Variants in DOK6 observed in about 807,000 individuals in gnomAD.
DOK6 encodes downstream of tyrosine kinase 6.
Under a neutral mutation model 44.0 loss-of-function variants are expected in DOK6, and 22 were observed. The ratio of observed to expected loss-of-function variants is 0.50; its 90% CI spans 0.36 to 0.71. DOK6 has a LOEUF of 0.71. Among genes scored for constraint, DOK6 ranks in the 30% least tolerant of loss-of-function variants. The pLI, the probability that DOK6 is intolerant of heterozygous loss-of-function variation, is 0.00. For synonymous variants in DOK6, 166 were observed against 145.5 expected, an observed-to-expected ratio of 1.14 and a Z score of -1.01; for missense variants, 340 against 416.4, an observed-to-expected ratio of 0.82 and a Z score of 1.60.
At position 69,487,596 on chromosome 18, in the gene DOK6, T is replaced by C. The variant is rs1980620349; in HGVS notation, c.67-76891T>C. 4.6e-5 allele frequency among the ~76,000 whole-genome samples: 7 copies of C among 152,308 alleles called. 1 individual carries two copies. In the South Asian group the frequency reaches 1.4e-3, roughly 32 times the overall value. On this transcript the variant is annotated intron_variant, in intron 1 of 7. Coordinates refer to ENST00000382713, the MANE Select transcript of DOK6 (RefSeq NM_152721.6). ...TGCTGACTTTAGATGTTTACCCCTT[T>C]GCTGAGGAATGTTCCATCGATGTTT...
chr18:69,508,762 A>G (rs574438331), intron 1 of DOK6, among the ~76,000 whole-genome samples: 1 of 152,296 alleles, frequency 6.6e-6, no homozygotes, highest in South Asian at 2.1e-4. Flanking sequence ...AGGTCATGCC[A>G]TGATGCTTAT....
intron 7 of DOK6, among the ~76,000 whole-genome samples, chr18:69,801,692 C>T (rs764672678): frequency 3.3e-5 from 5 of 152,168 alleles, no homozygotes; most frequent in Non-Finnish European, 5.9e-5. Flanking sequence ...CCTCTTCACA[C>T]GGTCCCTCTG....
At chr18:69,538,192 A>G (rs1194600261) in intron 1 of DOK6, among the ~76,000 whole-genome samples, 3 of 152,234 alleles carry the variant, frequency 2.0e-5, no homozygotes, top group Admixed American at 2.0e-4. Context: ...GAGAACTTAC[A>G]TGAAAGGTAA....
intron 7 of DOK6, among the ~76,000 whole-genome samples, chr18:69,790,525 A>G (rs1196188435): frequency 6.6e-6 from 1 of 152,216 alleles, no homozygotes; most frequent in Non-Finnish European, 1.5e-5. Flanking sequence ...TGCGCTAAGT[A>G]AGAATTTTTA....
chr18:69,499,727 C>T (rs138448692), intron 1 of DOK6, among the ~76,000 whole-genome samples: 91 of 152,248 alleles, frequency 6.0e-4, no homozygotes, highest in African/African-American at 1.9e-3. Flanking sequence ...GCCTAACAGG[C>T]GCTCAGACTT....
chr18:69,758,240 C>T (rs1443940822), intron 7 of DOK6, among the ~76,000 whole-genome samples: 1 of 152,044 alleles, frequency 6.6e-6, no homozygotes, highest in African/African-American at 2.4e-5. Flanking sequence ...TGAAAGGATT[C>T]AATATCAGTT....
chr18:69,429,438 A>G (rs540867654), intron 1 of DOK6, among the ~76,000 whole-genome samples: 19 of 151,824 alleles, frequency 1.3e-4, no homozygotes, highest in African/African-American at 3.9e-4. Flanking sequence ...TTTACTACAC[A>G]TGGATATTTT....
At chr18:69,428,801 C>T (rs1360854402) in intron 1 of DOK6, among the ~76,000 whole-genome samples, 2 of 152,156 alleles carry the variant, frequency 1.3e-5, no homozygotes. Flanking sequence ...AAAGGACTTG[C>T]TCAAACAAAC....
chr18:69,632,489 A>G (rs1403673134), intron 3 of DOK6, among the ~76,000 whole-genome samples: 1 of 152,168 alleles, frequency 6.6e-6, no homozygotes, highest in African/African-American at 2.4e-5. Flanking sequence ...TATCTTGAAG[A>G]TAACATCGGT....
intron 7 of DOK6, among the ~76,000 whole-genome samples, chr18:69,799,775 A>G (rs1344845903): frequency 6.6e-6 from 1 of 152,088 alleles, no homozygotes; most frequent in African/African-American, 2.4e-5. Context: ...AGAATCAATC[A>G]GTTTTAGGGT....
chr18:69,728,625 GA>G (rs34090517), intron 5 of DOK6, among the ~76,000 whole-genome samples: 1,910 of 143,498 alleles, frequency 0.013, 39 homozygotes, highest in African/African-American at 0.045. Flanking sequence ...TTAGTATACT[GA>G]AAAAAAAAAA....
chr18:69,684,344 A>T (rs1986104120), intron 4 of DOK6, among the ~76,000 whole-genome samples: 1 of 152,166 alleles, frequency 6.6e-6, no homozygotes, highest in Non-Finnish European at 1.5e-5. Flanking sequence ...AATCTAAATG[A>T]TCCATTTGTT....
intron 1 of DOK6, chr18:69,469,759 CGGCGAGGTTGGA>C (rs1401142665): frequency 2.4e-5 from 6 of 246,712 alleles, no homozygotes; most frequent in Middle Eastern, 4.4e-4. Context: ...AGGACGCCAT[CGGCGAGGTTGGA>C]CAGGAGCCAG....
intron 3 of DOK6, among the ~76,000 whole-genome samples, chr18:69,653,292 T>G (rs1985277569): frequency 1.4e-5 from 2 of 142,080 alleles, no homozygotes; most frequent in African/African-American, 2.6e-5. Context: ...GGCAGTCTTA[T>G]GAGACTGAGA....
At chr18:69,447,192 A>G (rs1266015044) in intron 1 of DOK6, among the ~76,000 whole-genome samples, 1 of 152,184 alleles carries the variant, frequency 6.6e-6, no homozygotes, top group Non-Finnish European at 1.5e-5. Context: ...TTTTAGGTCT[A>G]ACATTTAAGT....
At chr18:69,463,167 C>A (rs754747056) in intron 1 of DOK6, among the ~76,000 whole-genome samples, 1 of 152,070 alleles carries the variant, frequency 6.6e-6, no homozygotes, top group African/African-American at 2.4e-5. Flanking sequence ...GCTGTGTCCT[C>A]GCCATGGTGG....
chr18:69,783,923 G>T (rs998314068), intron 7 of DOK6, among the ~76,000 whole-genome samples: 2 of 152,206 alleles, frequency 1.3e-5, no homozygotes. Context: ...GCTGGGCGTG[G>T]TGGTTTATGC....
At chr18:69,416,076 AGGAGGGAGGAAG>A (rs1453992399) in intron 1 of DOK6, among the ~76,000 whole-genome samples, 69 of 135,994 alleles carry the variant, frequency 5.1e-4, no homozygotes, top group Middle Eastern at 7.5e-3. Context: ...AAGGAAGGAA[AGGAGGGAGGAAG>A]GGAGAGAGGG....
Position 69,846,890 on chromosome 18 carries a change from C to T in DOK6, c.*5507C>T, listed in dbSNP as rs577726634. The T allele has an allele frequency of 6.6e-6, 1 of 151,926 alleles. No individual in the cohort carries two copies. The highest frequency in any genetic ancestry group is 2.4e-5 in the African/African-American group (1 of 41,430). The allele number at this position is 151,926 out of a possible 1,614,324, so 9.4% of individuals were successfully genotyped here. Reference sequence around the variant, plus strand: ...AAATGACTTTTTTACATTATAATACCTTATATATTAGGTTTTTCCTGATAA... The same window carrying T: ...AAATGACTTTTTTACATTATAATACTTTATATATTAGGTTTTTCCTGATAA... On this transcript the variant is annotated 3_prime_UTR_variant, in exon 8 of 8. Coordinates refer to ENST00000382713, the MANE Select transcript of DOK6 (RefSeq NM_152721.6).
Sources: allele counts gnomAD v4.1 joint callset (sites outside exome capture counted in the v4.1 genomes callset), GRCh38; gene constraint gnomAD v4.1.1; transcripts MANE v1.5; gene names NCBI Gene and HGNC (gene_info 2026-07-23, HGNC 2026-07-21).